The following TNS1 variants were observed in gnomAD, a reference collection of about 807,000 sequenced individuals.
TNS1 encodes the protein tensin-1.
Under a neutral mutation model 168.6 loss-of-function variants are expected in TNS1, and 62 were observed. The ratio of observed to expected loss-of-function variants is 0.37; its 90% CI spans 0.30 to 0.45. The LOEUF is 0.45. Among genes scored for constraint, TNS1 ranks in the 20% least tolerant of loss-of-function variants. TNS1 has a pLI of 1.00. For synonymous variants in TNS1, 934 were observed against 933.2 expected, an observed-to-expected ratio of 1.00 and a Z score of -0.02; for missense variants, 2,240 against 2,339.4, an observed-to-expected ratio of 0.96 and a Z score of 0.88.
At chr2:218,029,175 T>C (rs1026781209) in intron 1 of TNS1, among the ~76,000 whole-genome samples, 6 of 152,162 alleles carry the variant, frequency 3.9e-5, no homozygotes, top group Admixed American at 2.6e-4. Context: ...CCCACTCCAA[T>C]GCAGGACTCC....
chr2:217,884,482 C>T (rs1951004095), intron 16 of TNS1, among the ~76,000 whole-genome samples: 1 of 152,070 alleles, frequency 6.6e-6, no homozygotes, highest in African/African-American at 2.4e-5. Context: ...CAAACCTTTC[C>T]CAACCACCTC....
chr2:217,834,461 T>C (rs1944891905), intron 21 of TNS1, among the ~76,000 whole-genome samples: 1 of 152,242 alleles, frequency 6.6e-6, no homozygotes, highest in African/African-American at 2.4e-5. Context: ...ATGTCTCTTC[T>C]TCTATAAAAA....
chr2:217,813,960 G>A lies in TNS1; in HGVS notation c.4730-144C>T, dbSNP rs1008933838. ...AAAGTTAAAATTTAACTACTCCTAC[G>A]GGTCTTCCTGTACTCAGGTTGGCAA... On this transcript the variant is annotated intron_variant, in intron 25 of 32. Coordinates refer to ENST00000682258, the MANE Select transcript of TNS1 (RefSeq NM_001387777.1). This position sits in a 1 kb window ranked among gnomAD's most constrained non-coding sequence, Gnocchi z 4.0. 1.8e-5 allele frequency: 18 copies of A among 999,988 alleles called. No homozygotes were observed. Among genetic ancestry groups the A allele is most frequent in the African/African-American group, 6.7e-5 (4 of 59,322 alleles). The allele number at this position is 999,988 out of a possible 1,614,324, so 61.9% of individuals were successfully genotyped here.
At chr2:218,000,841 C>T (rs905570016) in intron 1 of TNS1, among the ~76,000 whole-genome samples, 1 of 152,140 alleles carries the variant, frequency 6.6e-6, no homozygotes, top group Admixed American at 6.5e-5. Flanking sequence ...GGGAGGGACA[C>T]AGGCTTTTCT....
chr2:217,837,541 G>A (rs1945337528), intron 19 of TNS1, among the ~76,000 whole-genome samples: 1 of 152,204 alleles, frequency 6.6e-6, no homozygotes, highest in African/African-American at 2.4e-5. Flanking sequence ...AATCGGGGGT[G>A]GGGGGCGCAT....
At chr2:217,915,113 C>T (rs1954854145) in intron 4 of TNS1, among the ~76,000 whole-genome samples, 2 of 152,190 alleles carry the variant, frequency 1.3e-5, no homozygotes. Flanking sequence ...GATGGCCACC[C>T]ATGGCCTGCC....
chr2:217,979,528 G>GACACACAC (rs35499293), intron 2 of TNS1, among the ~76,000 whole-genome samples: 51 of 146,782 alleles, frequency 3.5e-4, no homozygotes, highest in African/African-American at 1.2e-3. Context: ...GAAACACACA[G>GACACACAC]ACACACACAC....
chr2:217,980,976 C>T (rs1559398729), intron 2 of TNS1, among the ~76,000 whole-genome samples: 1 of 152,166 alleles, frequency 6.6e-6, no homozygotes, highest in Non-Finnish European at 1.5e-5. Flanking sequence ...AGTAGCTTTC[C>T]AATTATTCCT....
At chr2:218,023,114 A>G (rs529781785) in intron 1 of TNS1, among the ~76,000 whole-genome samples, 167 of 152,328 alleles carry the variant, frequency 1.1e-3, no homozygotes, top group African/African-American at 3.7e-3. Context: ...TAGTCAAGTA[A>G]GTCAATGACC....
chr2:218,031,333 CTG>C (rs772040024), intron 1 of TNS1, among the ~76,000 whole-genome samples: 6 of 134,172 alleles, frequency 4.5e-5, no homozygotes, highest in Admixed American at 7.6e-5. Flanking sequence ...GTGAGCATGT[CTG>C]TGTGTGAGTG....
rs1184365315 is a variant in TNS1, at chr2:217,888,917, A to G, written c.866+2045T>C. On this transcript the variant is annotated intron_variant, in intron 12 of 32. Transcript: ENST00000682258. ...GAGGTGACACTGATCCCTGGTCTTC[A>G]GGCCTTCACTACTCAGACTCAGAGA... Among the ~76,000 whole-genome samples the G allele has an allele frequency of 3.3e-5, 5 of 152,196 alleles. No individual in the cohort carries two copies. In the East Asian group the frequency reaches 7.7e-4, roughly 23 times the overall value.
chr2:217,929,037 G>A (rs576421893), intron 3 of TNS1, among the ~76,000 whole-genome samples: 4 of 152,218 alleles, frequency 2.6e-5, no homozygotes, highest in Admixed American at 6.5e-5. Flanking sequence ...AGGAGCCTGC[G>A]GAATGTGGAG....
chr2:217,931,103 C>G (rs966722130), intron 3 of TNS1, among the ~76,000 whole-genome samples: 1 of 152,162 alleles, frequency 6.6e-6, no homozygotes, highest in Non-Finnish European at 1.5e-5. Flanking sequence ...GAGGATGGCC[C>G]CGCCCGGGAG....
At chr2:217,936,872 A>G in intron 3 of TNS1, 1 of 452,470 alleles carries the variant, frequency 2.2e-6, no homozygotes, top group South Asian at 1.6e-5. Context: ...CGCTAGCACT[A>G]CAAGGTTGGA....
At chr2:217,982,090 C>T (rs1443353102) in intron 2 of TNS1, among the ~76,000 whole-genome samples, 1 of 152,226 alleles carries the variant, frequency 6.6e-6, no homozygotes, top group African/African-American at 2.4e-5. Flanking sequence ...TCTTGGATCA[C>T]TTGCTCTGGG....
chr2:217,825,468 C>T (rs917220609), intron 22 of TNS1, among the ~76,000 whole-genome samples: 1 of 152,224 alleles, frequency 6.6e-6, no homozygotes, highest in Non-Finnish European at 1.5e-5. Context: ...TTTAAGAGTC[C>T]ATCAACTGTC....
chr2:217,864,588 G>A (rs945229688), intron 18 of TNS1, among the ~76,000 whole-genome samples: 3 of 152,200 alleles, frequency 2.0e-5, no homozygotes, highest in African/African-American at 4.8e-5. Flanking sequence ...AGTGGAGAGT[G>A]ACAATAAAGT....
intron 18 of TNS1, among the ~76,000 whole-genome samples, chr2:217,873,310 A>G (rs1052540275): frequency 6.6e-6 from 1 of 152,250 alleles, no homozygotes; most frequent in Non-Finnish European, 1.5e-5. Flanking sequence ...AAAAGATTAG[A>G]AAGTGGAAGA....
At chr2:217,998,690 T>A (rs957084005) in intron 1 of TNS1, among the ~76,000 whole-genome samples, 13 of 152,214 alleles carry the variant, frequency 8.5e-5, no homozygotes, top group Non-Finnish European at 1.6e-4. Context: ...CGTACAGACA[T>A]GGTCTTACTA....
Sources: allele counts gnomAD v4.1 joint callset (sites outside exome capture counted in the v4.1 genomes callset), GRCh38; gene constraint gnomAD v4.1.1; non-coding constraint Gnocchi (gnomAD v3.1); transcripts MANE v1.5; gene names NCBI Gene and HGNC (gene_info 2026-07-23, HGNC 2026-07-21).